The following CDADC1 variants were observed in gnomAD, a reference collection of about 807,000 sequenced individuals.
CDADC1 encodes the protein cytidine and dCMP deaminase domain containing 1, also known as dCTP deaminase.
A neutral mutation model predicts 54.9 loss-of-function variants in CDADC1; 39 were observed. That is an observed-to-expected ratio of 0.71 (90% CI 0.55 to 0.93). The LOEUF is 0.93. Ranked by LOEUF, CDADC1 falls within the 40% of genes least tolerant of loss-of-function variation. CDADC1 has a pLI of 0.00. For synonymous variants in CDADC1, 186 were observed against 204.0 expected (o/e 0.91, Z 0.75); for missense variants, 518 against 618.8 (o/e 0.84, Z 1.73).
intron 4 of CDADC1, among the ~76,000 whole-genome samples, chr13:49,266,760 A>T (rs73186814): frequency 0.13 from 19,306 of 152,070 alleles, 1,663 homozygotes; most frequent in Non-Finnish European, 0.18. Context: ...ATGTGCATGC[A>T]TGAGATTTCT....
Position 49,280,572 on chromosome 13 carries a change from G to C in CDADC1, c.1284G>C (p.Glu428Asp). 1 of 1,573,992 alleles carries C rather than the reference G, an allele frequency of 6.4e-7. No individual in the cohort carries two copies. Among genetic ancestry groups the C allele is most frequent in the Non-Finnish European group, 8.6e-7 (1 of 1,159,516 alleles). The change falls in exon 8 of 10, where the codon GAG becomes GAC. Residue 428 changes from glutamate to aspartate, a missense_variant. Coordinates refer to ENST00000251108, the MANE Select transcript of CDADC1 (RefSeq NM_030911.4). ...TTGTGACAAAGTGCCCATGTGATGA[G>C]TGTGTACCTTTAATTAAAGGTGCAG... is the stretch of plus-strand genomic sequence containing the variant. ...MIFVTKCPCD[E>D]CVPLIKGAGI...
intron 3 of CDADC1, among the ~76,000 whole-genome samples, chr13:49,257,792 C>T (rs971779520): frequency 6.6e-6 from 1 of 152,090 alleles, no homozygotes; most frequent in Admixed American, 6.5e-5. Flanking sequence ...ATCAGTCCAG[C>T]CTGGGCGACA....
intron 4 of CDADC1, among the ~76,000 whole-genome samples, chr13:49,261,625 A>G (rs1952689797): frequency 6.6e-6 from 1 of 152,254 alleles, no homozygotes. Context: ...AGGTCCAAAT[A>G]GGGTTCAGAT....
intron 6 of CDADC1, among the ~76,000 whole-genome samples, chr13:49,277,644 CA>C (rs1953188414): frequency 6.6e-6 from 1 of 151,678 alleles, no homozygotes; most frequent in African/African-American, 2.4e-5. Flanking sequence ...TAGCATATTC[CA>C]AAAAACTATT....
intron 6 of CDADC1, among the ~76,000 whole-genome samples, chr13:49,277,730 G>T (rs1021456395): frequency 1.3e-5 from 2 of 151,972 alleles, no homozygotes; most frequent in Non-Finnish European, 2.9e-5. Flanking sequence ...CTTTAAAAGA[G>T]AAATAAGAGC....
rs144458661 is a variant in CDADC1 at position 49,267,054 on chromosome 13, G to A, written c.431-436G>A. ...AGGCTGGGTAACTTTTTCTTGAAAA[G>A]GCCAGATAATAAATATTTTAGACTT... On this transcript the variant is annotated intron_variant, in intron 4 of 9. Transcript: ENST00000251108. Among the ~76,000 whole-genome samples the A allele has an allele frequency of 4.7e-3, 718 of 152,176 alleles. 5 individuals carry two copies. The highest frequency in any genetic ancestry group is 0.016 in the African/African-American group (657 of 41,534).
At chr13:49,282,864 G>A (rs1953389073) in intron 8 of CDADC1, among the ~76,000 whole-genome samples, 1 of 152,244 alleles carries the variant, frequency 6.6e-6, no homozygotes, top group Non-Finnish European at 1.5e-5. Context: ...AAAGCCTGAT[G>A]ATCCCCCATT....
chr13:49,253,935 T>C (rs909746492), intron 2 of CDADC1, among the ~76,000 whole-genome samples: 1 of 152,212 alleles, frequency 6.6e-6, no homozygotes, highest in Non-Finnish European at 1.5e-5. Context: ...GGCATAATGG[T>C]TAAGACAATG....
intron 3 of CDADC1, 31 bp downstream of exon 3, chr13:49,255,944 T>G (rs774401325): frequency 2.5e-6 from 4 of 1,595,096 alleles, no homozygotes; most frequent in Non-Finnish European, 3.4e-6. Flanking sequence ...ATATATATGC[T>G]CATAATAACA....
intron 2 of CDADC1, 107 bp downstream of exon 2, chr13:49,249,072 G>C (rs1368994035): frequency 1.3e-5 from 9 of 693,210 alleles, no homozygotes; most frequent in Non-Finnish European, 2.3e-5. Context: ...CAAGGCTTAA[G>C]ATTTAAAAAA....
At chr13:49,286,520 G>A (rs546419459) in intron 9 of CDADC1, among the ~76,000 whole-genome samples, 20 of 152,216 alleles carry the variant, frequency 1.3e-4, no homozygotes, top group Non-Finnish European at 1.8e-4. Flanking sequence ...AAATAATTAT[G>A]CACAAATTGA....
Position 49,278,520 on chromosome 13 carries a change from G to T in CDADC1, c.1220+1G>T. The stretch of plus-strand genomic sequence containing the variant: ...CGGAACAGAATGCCTTGACATTTAG[G>T]TATGAAATCCTTCTTGGTGTACTTT... On this transcript the variant is annotated splice_donor_variant, in intron 7 of 9. Transcript: ENST00000251108. LOFTEE classifies it high-confidence loss of function. 1 of 1,497,052 alleles carries T rather than the reference G, an allele frequency of 6.7e-7. No individual in the cohort carries two copies. Among genetic ancestry groups the T allele is most frequent in the Non-Finnish European group, 9.1e-7 (1 of 1,102,882 alleles). 92.7% of individuals were successfully genotyped at this position (1,497,052 alleles called of 1,614,324 possible).
Position 49,264,575 on chromosome 13 carries a change from G to T in CDADC1, c.431-2915G>T, listed in dbSNP as rs574472872. ...TCTACCAAAAAAAAAAAAAAAAAAA[G>T]AGCTGGGTGTGGTGGTGCACACCTG... On this transcript the variant is annotated intron_variant, in intron 4 of 9. Coordinates refer to ENST00000251108, the MANE Select transcript of CDADC1 (RefSeq NM_030911.4). 6.8e-3 allele frequency among the ~76,000 whole-genome samples: 452 copies of T among 66,550 alleles called. 4 individuals are homozygous for T. Among genetic ancestry groups the T allele is most frequent in the Middle Eastern group, 0.031 (3 of 98 alleles). 43.7% of individuals were successfully genotyped at this position (66,550 alleles called of 152,430 possible).
At position 49,267,727 on chromosome 13, in the gene CDADC1, C is replaced by G; in HGVS notation, c.668C>G (p.Ala223Gly). The G allele has an allele frequency of 6.2e-7, 1 of 1,611,276 alleles. No individual in the cohort carries two copies. The highest frequency in any genetic ancestry group is 8.5e-7 in the Non-Finnish European group (1 of 1,178,754). Reference protein sequence around the residue: ...IQKITKTLPDANTDFYYECKQ... With the variant: ...IQKITKTLPDGNTDFYYECKQ... ...AAAATTACAAAAACATTGCCGGATG[C>G]TAACACTGACTTTTATTATGAATGT... Residue 223 changes from alanine (A) to glycine (G), a missense_variant, in exon 5 of 10, where the codon GCT becomes GGT. Physicochemically the swap from Ala to Gly is moderately conservative, Grantham distance 60. Transcript: ENST00000251108.
intron 8 of CDADC1, among the ~76,000 whole-genome samples, chr13:49,285,176 T>TTTTC (rs1482356839): frequency 3.0e-5 from 4 of 134,462 alleles, no homozygotes; most frequent in African/African-American, 8.5e-5. Context: ...TTTTTTTTTC[T>TTTTC]TTTTTCTTTT....
intron 4 of CDADC1, among the ~76,000 whole-genome samples, chr13:49,266,252 C>T (rs1952812616): frequency 6.6e-6 from 1 of 152,136 alleles, no homozygotes; most frequent in Non-Finnish European, 1.5e-5. Context: ...CATTAATTGA[C>T]GAACATTTGT....
chr13:49,267,726 G>T lies in CDADC1; in HGVS notation c.667G>T (p.Ala223Ser). ...IQKITKTLPD[A>S]NTDFYYECKQ... ...AAAAATTACAAAAACATTGCCGGATGCTAACACTGACTTTTATTATGAATG... is the reference window on the plus strand; with the variant it reads ...AAAAATTACAAAAACATTGCCGGATTCTAACACTGACTTTTATTATGAATG... Residue 223 changes from alanine to serine, a missense_variant, in exon 5 of 10, where the codon GCT (alanine) becomes TCT (serine). Physicochemically the swap from Ala to Ser is moderately conservative, Grantham distance 99 (BLOSUM62 1). Transcript: ENST00000251108. 1 of 1,611,874 alleles carries T rather than the reference G, an allele frequency of 6.2e-7. No homozygotes were observed. Among genetic ancestry groups the T allele is most frequent in the Non-Finnish European group, 8.5e-7 (1 of 1,179,006 alleles).
intron 4 of CDADC1, among the ~76,000 whole-genome samples, chr13:49,264,735 A>AT (rs1187758647): frequency 6.7e-6 from 1 of 148,808 alleles, no homozygotes. Flanking sequence ...AAAAAAAAAA[A>AT]GGTATAGTGA....
chr13:49,264,500 C>T (rs1186008446), intron 4 of CDADC1, among the ~76,000 whole-genome samples: 1 of 149,030 alleles, frequency 6.7e-6, no homozygotes, highest in Admixed American at 6.8e-5. Flanking sequence ...GGAGGACCAC[C>T]TCAGGTCAGG....
Sources: allele counts gnomAD v4.1 joint callset (sites outside exome capture counted in the v4.1 genomes callset), GRCh38; gene constraint gnomAD v4.1.1; transcripts MANE v1.5; gene names NCBI Gene and HGNC (gene_info 2026-07-23, HGNC 2026-07-21).